The following SMAD1 variants were observed in gnomAD, a reference collection of about 807,000 sequenced individuals.
SMAD1 encodes MAD, mothers against decapentaplegic homolog 1.
Under a neutral mutation model 41.6 loss-of-function variants are expected in SMAD1, and 6 were observed. That is an observed-to-expected ratio of 0.14 (90% CI 0.08 to 0.28). SMAD1 has a LOEUF of 0.28. Ranked by LOEUF, SMAD1 falls within the 10% of genes least tolerant of loss-of-function variation. The pLI is 1.00. For missense variants in SMAD1, 379 were observed against 582.6 expected (o/e 0.65, Z 3.60); for synonymous variants, 206 against 203.2 (o/e 1.01, Z -0.12).
At chr4:145,500,993 TGG>T (rs1729407357) in intron 1 of SMAD1, among the ~76,000 whole-genome samples, 1 of 152,190 alleles carries the variant, frequency 6.6e-6, no homozygotes, top group Admixed American at 6.5e-5. Context: ...AGCTACTAAG[TGG>T]ACAGCTGCAG....
rs931573893 is a variant in SMAD1 at position 145,482,899 on chromosome 4, A to AAGG, written c.-177+862_-177+864dup. 6.6e-6 allele frequency: 1 copy of AAGG among 151,930 alleles called. No individual in the cohort carries two copies. The highest frequency in any genetic ancestry group is 1.5e-5 in the Non-Finnish European group (1 of 68,022). 9.4% of individuals were successfully genotyped at this position (151,930 alleles called of 1,614,324 possible). A position where few individuals can be genotyped will look rare whatever the true frequency, so the allele number is the denominator to read the frequency against. On this transcript the variant is annotated intron_variant, in intron 1 of 6. Transcript: ENST00000302085. The surrounding 1 kb of genome is among the most constrained non-coding windows in gnomAD (Gnocchi z 4.2). ...TGTTTCTCGGGGTTGTTTCTGTAGG[A>AAGG]AGGTGGGGGTGGTGGGCGTGAGAGA...
chr4:145,506,619 G>A (rs1560733716), intron 1 of SMAD1, among the ~76,000 whole-genome samples: 1 of 151,840 alleles, frequency 6.6e-6, no homozygotes, highest in Non-Finnish European at 1.5e-5. Context: ...TATTAAAGGG[G>A]GTTGTAACAT....
In SMAD1 at chr4:145,557,832, C is replaced by T. The variant is rs1323929346; in HGVS notation, c.1296C>T (p.Thr432=). Residue 432 remains threonine, a synonymous_variant, in exon 7 of 7, where the codon ACC becomes ACT. Transcript: ENST00000302085. ...AEYHRQDVTS[T]PCWIEIHLHG... is the part of the protein sequence containing the mutation. ...ACCACCGCCAGGATGTTACTAGCAC[C>T]CCCTGCTGGATTGAGATACATCTGC... is the stretch of plus-strand genomic sequence containing the variant. 1 of 1,611,804 alleles carries T rather than the reference C, an allele frequency of 6.2e-7. No homozygotes were observed. Among genetic ancestry groups the T allele is most frequent in the Non-Finnish European group, 8.5e-7 (1 of 1,178,444 alleles).
At chr4:145,510,742 A>T (rs887827292) in intron 1 of SMAD1, among the ~76,000 whole-genome samples, 1 of 152,064 alleles carries the variant, frequency 6.6e-6, no homozygotes, top group African/African-American at 2.4e-5. Context: ...CAAGTTTTTA[A>T]ACAATTTTTT....
chr4:145,508,516 T>C (rs529484405), intron 1 of SMAD1, among the ~76,000 whole-genome samples: 46 of 152,098 alleles, frequency 3.0e-4, no homozygotes, highest in Admixed American at 5.9e-4. Flanking sequence ...AAGATTAAAC[T>C]GGTTAATAGA....
At position 145,546,711 on chromosome 4, in the gene SMAD1, G is replaced by A. The variant is rs959079905; in HGVS notation, c.784G>A (p.Ala262Thr). The change falls in exon 5 of 7, where the codon GCG becomes ACG. Residue 262 changes from alanine (A) to threonine (T), a missense_variant. By Grantham distance (58) the Ala-to-Thr change is moderately conservative (BLOSUM62 0). This residue lies in a region of SMAD1 where 208 missense variants were observed against 210.5 expected (regional missense o/e 0.99). Coordinates refer to ENST00000302085, the MANE Select transcript of SMAD1 (RefSeq NM_005900.3). ...CATTTTCTTTCCTCTAGATGTTCAG[G>A]CGGTTGCTTATGAGGAACCAAAACA... ...PSEINRGDVQ[A>T]VAYEEPKHWC... 13 of 1,611,574 alleles carry A rather than the reference G, an allele frequency of 8.1e-6. No homozygotes were observed. The highest frequency in any genetic ancestry group is 1.1e-5 in the Non-Finnish European group (13 of 1,178,826).
At chr4:145,546,375 TG>T in intron 4 of SMAD1, 1 of 244,590 alleles carries the variant, frequency 4.1e-6, no homozygotes, top group South Asian at 7.5e-5. Context: ...GTGGTAGGGG[TG>T]ATTTCCATTT....
At chr4:145,506,480 T>G (rs1197137434) in intron 1 of SMAD1, among the ~76,000 whole-genome samples, 5 of 152,198 alleles carry the variant, frequency 3.3e-5, no homozygotes, top group African/African-American at 1.2e-4. Flanking sequence ...ATACAATTAT[T>G]CCCTCAATAT....
At position 145,482,285 on chromosome 4, in the gene SMAD1, T is replaced by C. The variant is rs1301522444; in HGVS notation, c.-177+247T>C. Among the ~76,000 whole-genome samples, 1 of 150,524 alleles carries C rather than the reference T, an allele frequency of 6.6e-6. No individual in the cohort carries two copies. The highest frequency in any genetic ancestry group is 1.5e-5 in the Non-Finnish European group (1 of 67,508). Reference sequence around the variant, plus strand: ...GAGGAGCGAACCTGCTACCACGTCTTCTCGCGCCCAGCCCGCCGGGCTCCC... The same window carrying C: ...GAGGAGCGAACCTGCTACCACGTCTCCTCGCGCCCAGCCCGCCGGGCTCCC... On this transcript the variant is annotated intron_variant, in intron 1 of 6. Coordinates refer to ENST00000302085, the MANE Select transcript of SMAD1 (RefSeq NM_005900.3). The surrounding 1 kb of genome is among the most constrained non-coding windows in gnomAD (Gnocchi z 4.2).
chr4:145,543,445 T>C (rs1466792265), intron 4 of SMAD1, among the ~76,000 whole-genome samples: 1 of 152,216 alleles, frequency 6.6e-6, no homozygotes, highest in Non-Finnish European at 1.5e-5. Flanking sequence ...TCAGCTCTTA[T>C]GTATGTGCAA....
chr4:145,522,162 A>G (rs1309410460), intron 2 of SMAD1, among the ~76,000 whole-genome samples: 1 of 151,320 alleles, frequency 6.6e-6, no homozygotes, highest in Non-Finnish European at 1.5e-5. Context: ...TAGCCGGGCG[A>G]GGTGGCGGGC....
intron 1 of SMAD1, chr4:145,483,025 T>C: frequency 6.6e-6 from 1 of 152,198 alleles, no homozygotes; most frequent in East Asian, 1.9e-4. Context: ...AACAAATGCC[T>C]GCCAGATCTC....
intron 4 of SMAD1, among the ~76,000 whole-genome samples, chr4:145,543,246 C>T (rs1025670835): frequency 2.0e-5 from 3 of 152,062 alleles, no homozygotes; most frequent in Non-Finnish European, 2.9e-5. Flanking sequence ...GGATTACAGG[C>T]GTGAGCCACT....
At chr4:145,535,295 T>C (rs182035027) in intron 2 of SMAD1, among the ~76,000 whole-genome samples, 1 of 152,318 alleles carries the variant, frequency 6.6e-6, no homozygotes, top group Non-Finnish European at 1.5e-5. Flanking sequence ...AACAAAGTTA[T>C]ATATACATTT....
At chr4:145,529,596 TA>T (rs1419061816) in intron 2 of SMAD1, among the ~76,000 whole-genome samples, 1 of 152,240 alleles carries the variant, frequency 6.6e-6, no homozygotes, top group Non-Finnish European at 1.5e-5. Context: ...CTGGGCCCTG[TA>T]AATTTTCTGT....
At position 145,521,958 on chromosome 4, in the gene SMAD1, T is replaced by C. The variant is rs192120715; in HGVS notation, c.400+6945T>C. On this transcript the variant is annotated intron_variant, in intron 2 of 6. Transcript: ENST00000302085. Reference sequence around the variant, plus strand: ...TCACACTGGTGCTCTTTGTGCACTTTTCATTTTGTCACACAGAATATTAAA... The same window carrying C: ...TCACACTGGTGCTCTTTGTGCACTTCTCATTTTGTCACACAGAATATTAAA... Among the ~76,000 whole-genome samples the C allele has an allele frequency of 1.8e-4, 28 of 151,702 alleles. No homozygotes were observed. The East Asian group carries it at 5.4e-3, about 29-fold the overall frequency.
rs567172737 is a variant in SMAD1 at position 145,501,637 on chromosome 4, GTTTCT to G, written c.-176-12797_-176-12793del. Among the ~76,000 whole-genome samples, 434 of 134,802 alleles carry G rather than the reference GTTTCT, an allele frequency of 3.2e-3. 1 individual carries two copies. The highest frequency in any genetic ancestry group is 0.013 in the African/African-American group (412 of 30,814). 88.4% of individuals were successfully genotyped at this position (134,802 alleles called of 152,430 possible). A position where few individuals can be genotyped will look rare whatever the true frequency, so the allele number is the denominator to read the frequency against. On this transcript the variant is annotated intron_variant, in intron 1 of 6. Transcript: ENST00000302085. The stretch of plus-strand genomic sequence containing the variant: ...AAACATGAAATACAGCAGGATTTTT[GTTTCT>G]TTTTTTTTTTTTAAAGGGATAGTTT...
intron 3 of SMAD1, among the ~76,000 whole-genome samples, chr4:145,542,076 C>T (rs1731978660): frequency 6.6e-6 from 1 of 152,134 alleles, no homozygotes; most frequent in South Asian, 2.1e-4. Context: ...CTAACAGATT[C>T]CCTAAAGTCA....
chr4:145,509,423 A>G (rs968853498), intron 1 of SMAD1, among the ~76,000 whole-genome samples: 2 of 152,206 alleles, frequency 1.3e-5, no homozygotes, highest in African/African-American at 2.4e-5. Flanking sequence ...GGTGGTTCTT[A>G]TATAATACGT....
Sources: gnomAD v4.1 joint callset for allele counts (sites outside exome capture counted in the v4.1 genomes callset) on GRCh38, gnomAD v4.1.1 for gene constraint, gnomAD v4.1.1 regional missense constraint, Gnocchi (gnomAD v3.1) non-coding constraint, MANE v1.5 for transcripts, NCBI Gene and HGNC (gene_info 2026-07-23, HGNC 2026-07-21) for gene names.